Variants in SCAPER observed in about 807,000 individuals in gnomAD.
SCAPER encodes the protein S phase cyclin A-associated protein in the endoplasmic reticulum.
Under a neutral mutation model 182.2 loss-of-function variants are expected in SCAPER, and 98 were observed. The ratio of observed to expected loss-of-function variants is 0.54; its 90% CI spans 0.46 to 0.64. The LOEUF (loss-of-function observed/expected upper bound fraction) is 0.64. Among genes scored for constraint, SCAPER ranks in the 30% least tolerant of loss-of-function variants. The pLI is 0.00. For missense variants in SCAPER, 1,432 were observed against 1,690.0 expected, an observed-to-expected ratio of 0.85 and a Z score of 2.68; for synonymous variants, 605 against 564.6, an observed-to-expected ratio of 1.07 and a Z score of -1.01.
At chr15:76,728,555 ACT>A (rs1567945266) in intron 17 of SCAPER, 38 bp downstream of exon 17, 3 of 1,610,544 alleles carry the variant, frequency 1.9e-6, no homozygotes, top group Non-Finnish European at 2.5e-6. Flanking sequence ...TTGAATATTC[ACT>A]CAGTGCAAAA....
chr15:76,848,323 GTTTTTTTTTTT>G (rs60859623), intron 4 of SCAPER, among the ~76,000 whole-genome samples: 2 of 132,308 alleles, frequency 1.5e-5, no homozygotes, highest in African/African-American at 6.0e-5. Context: ...TTTTTTTGGG[GTTTTTTTTTTT>G]TTTTTTTTTT....
intron 16 of SCAPER, among the ~76,000 whole-genome samples, chr15:76,730,912 G>A (rs954196739): frequency 1.8e-4 from 27 of 152,090 alleles, no homozygotes; most frequent in Non-Finnish European, 1.5e-5. Context: ...AACATTGTAT[G>A]AAAAGAGATA....
At chr15:76,550,192 A>C (rs1003304502) in intron 23 of SCAPER, among the ~76,000 whole-genome samples, 1 of 152,196 alleles carries the variant, frequency 6.6e-6, no homozygotes, top group Admixed American at 6.5e-5. Context: ...CTTCTTTTTT[A>C]AATAAAAATT....
chr15:76,743,457 G>T lies in SCAPER; in HGVS notation c.1867-10073C>A, dbSNP rs368321778. Among the ~76,000 whole-genome samples, 5 of 152,100 alleles carry T rather than the reference G, an allele frequency of 3.3e-5. No individual in the cohort carries two copies. In the East Asian group the frequency reaches 5.8e-4, roughly 18 times the overall value. Reference sequence around the variant, plus strand: ...ATAAGCTGTTCTGGCAAGGTTTCAGGATATAAAAATCAATGTACAAAAATC... The same window carrying T: ...ATAAGCTGTTCTGGCAAGGTTTCAGTATATAAAAATCAATGTACAAAAATC... On this transcript the variant is annotated intron_variant, in intron 15 of 31. Transcript: ENST00000563290.
At chr15:76,554,247 C>G in intron 23 of SCAPER, among the ~76,000 whole-genome samples, 1 of 152,254 alleles carries the variant, frequency 6.6e-6, no homozygotes, top group South Asian at 2.1e-4. Context: ...AGCTTGGAGA[C>G]TGGTTCTCCA....
intron 22 of SCAPER, among the ~76,000 whole-genome samples, chr15:76,618,121 G>A (rs928223065): frequency 6.6e-6 from 1 of 152,046 alleles, no homozygotes. Context: ...TTAGCCGGGT[G>A]TGGTAGCAGG....
intron 25 of SCAPER, among the ~76,000 whole-genome samples, chr15:76,452,728 A>G (rs2048456922): frequency 6.6e-6 from 1 of 152,258 alleles, no homozygotes; most frequent in African/African-American, 2.4e-5. Flanking sequence ...CAAAATTCTT[A>G]TCAACTCATT....
chr15:76,348,483 CATT>C lies in SCAPER; in HGVS notation c.*147_*149del, dbSNP rs1400198182. Reference sequence around the variant, plus strand: ...AGTAGAACATTCAAGTATCTACAGTCATTATAAATAGTGTAAAGTACATGCCAT... The same window carrying C: ...AGTAGAACATTCAAGTATCTACAGTCATAAATAGTGTAAAGTACATGCCAT... On this transcript the variant is annotated 3_prime_UTR_variant, in exon 32 of 32. Coordinates refer to ENST00000563290, the MANE Select transcript of SCAPER (RefSeq NM_020843.4). 6 of 494,342 alleles carry C rather than the reference CATT, an allele frequency of 1.2e-5. No individual in the cohort carries two copies. Among genetic ancestry groups the C allele is most frequent in the Non-Finnish European group, 2.2e-5 (6 of 277,852 alleles). The allele number at this position is 494,342 out of a possible 1,614,324, so 30.6% of individuals were successfully genotyped here.
chr15:76,610,452 A>G (rs2050874771), intron 22 of SCAPER, among the ~76,000 whole-genome samples: 1 of 152,236 alleles, frequency 6.6e-6, no homozygotes, highest in African/African-American at 2.4e-5. Context: ...CAATTAAGCA[A>G]GAAAAATAAA....
At chr15:76,559,928 G>A (rs1369233271) in intron 23 of SCAPER, among the ~76,000 whole-genome samples, 2 of 152,138 alleles carry the variant, frequency 1.3e-5, no homozygotes, top group African/African-American at 4.8e-5. Context: ...GTGTGTGTGT[G>A]TGTGTATGTG....
chr15:76,794,558 T>A (rs1008299048), intron 8 of SCAPER, among the ~76,000 whole-genome samples: 1 of 152,242 alleles, frequency 6.6e-6, no homozygotes, highest in Admixed American at 6.5e-5. Context: ...TCTTTTGTTA[T>A]GTGCAATAAA....
intron 26 of SCAPER, among the ~76,000 whole-genome samples, chr15:76,425,559 G>A (rs943788434): frequency 3.9e-5 from 6 of 152,110 alleles, no homozygotes; most frequent in Admixed American, 3.9e-4. Context: ...CAGTGGGTTC[G>A]AACTTCCTCC....
intron 18 of SCAPER, among the ~76,000 whole-genome samples, chr15:76,704,458 C>T (rs2059135487): frequency 6.6e-6 from 1 of 152,110 alleles, no homozygotes. Flanking sequence ...CGTTTTAGGT[C>T]TAATGTTTAA....
At chr15:76,486,748 G>A (rs1009275505) in intron 24 of SCAPER, among the ~76,000 whole-genome samples, 2 of 152,158 alleles carry the variant, frequency 1.3e-5, no homozygotes, top group Admixed American at 1.3e-4. Flanking sequence ...TGGTGGGAGT[G>A]TAAATTAGTT....
intron 8 of SCAPER, among the ~76,000 whole-genome samples, chr15:76,776,961 A>T (rs966887738): frequency 2.0e-5 from 3 of 152,240 alleles, no homozygotes; most frequent in Admixed American, 6.5e-5. Flanking sequence ...TTAGTGAAAC[A>T]GAGAAAACTA....
chr15:76,350,269 A>G (rs2040445214), intron 31 of SCAPER: 2 of 152,052 alleles, frequency 1.3e-5, no homozygotes, highest in Non-Finnish European at 2.9e-5. Flanking sequence ...TGCCTGAGTC[A>G]ATAAAACGTC....
chr15:76,680,411 G>GATAATAATA (rs10569185), intron 20 of SCAPER, among the ~76,000 whole-genome samples: 2 of 142,592 alleles, frequency 1.4e-5, no homozygotes, highest in Admixed American at 7.0e-5. Flanking sequence ...TGATGATGAT[G>GATAATAATA]ATAATAATAA....
rs911429026 is a variant in SCAPER, at chr15:76,486,016, G to A, written c.2955-14681C>T. Among the ~76,000 whole-genome samples the A allele has an allele frequency of 1.9e-4, 29 of 152,072 alleles. 1 individual carries two copies. Among genetic ancestry groups the A allele is most frequent in the African/African-American group, 6.0e-4 (25 of 41,404 alleles). On this transcript the variant is annotated intron_variant, in intron 24 of 31. Transcript: ENST00000563290. ...AAGTCAGGAGAGCAAGACCATCCTG[G>A]CTAACATGGTGAAACCCCGTCTCTA...
chr15:76,901,903 T>C (rs2074810847), intron 1 of SCAPER, among the ~76,000 whole-genome samples: 1 of 152,134 alleles, frequency 6.6e-6, no homozygotes, highest in Non-Finnish European at 1.5e-5. Context: ...GTATTTTTAG[T>C]AGACACAGGG....
Sources: gnomAD v4.1 joint callset for allele counts (sites outside exome capture counted in the v4.1 genomes callset) on GRCh38, gnomAD v4.1.1 for gene constraint, MANE v1.5 for transcripts, NCBI Gene and HGNC (gene_info 2026-07-23, HGNC 2026-07-21) for gene names.